SORBS2: variants seen among roughly 807,000 people sequenced by gnomAD.
SORBS2 encodes the protein sorbin and SH3 domain-containing protein 2.
A neutral mutation model predicts 97.7 loss-of-function variants in SORBS2; 46 were observed. The ratio of observed to expected loss-of-function variants is 0.47; its 90% CI spans 0.37 to 0.60. SORBS2 has a LOEUF of 0.60. SORBS2 is among the 20% of genes least tolerant of loss of function. SORBS2 has a pLI of 0.00. For synonymous variants in SORBS2, 476 were observed against 473.4 expected, an observed-to-expected ratio of 1.01 and a Z score of -0.07; for missense variants, 1,316 against 1,282.3, an observed-to-expected ratio of 1.03 and a Z score of -0.40.
At chr4:185,627,508 G>A (rs2096835847) in intron 5 of SORBS2, among the ~76,000 whole-genome samples, 1 of 152,182 alleles carries the variant, frequency 6.6e-6, no homozygotes, top group Admixed American at 6.5e-5. Context: ...GTGAACCACT[G>A]TGCCCGGACA....
chr4:185,690,997 T>G (rs576858220), intron 2 of SORBS2, among the ~76,000 whole-genome samples: 23 of 152,136 alleles, frequency 1.5e-4, no homozygotes, highest in African/African-American at 4.3e-4. Flanking sequence ...CCTCCTGGGT[T>G]CAAGCGATTC....
At chr4:185,625,168 C>T (rs1307366680) in intron 6 of SORBS2, among the ~76,000 whole-genome samples, 4 of 152,146 alleles carry the variant, frequency 2.6e-5, no homozygotes, top group Admixed American at 1.3e-4. Context: ...ATTGCTCTAC[C>T]TTTAACCTTT....
At chr4:185,776,879 A>C (rs1196010505) in intron 1 of SORBS2, among the ~76,000 whole-genome samples, 1 of 149,314 alleles carries the variant, frequency 6.7e-6, no homozygotes. Context: ...CAGCCTGGGC[A>C]ACAGAGTGAG....
At chr4:185,752,337 A>G (rs566376141) in intron 2 of SORBS2, among the ~76,000 whole-genome samples, 11 of 152,220 alleles carry the variant, frequency 7.2e-5, no homozygotes, top group South Asian at 6.2e-4. Flanking sequence ...GTGCAGTGGC[A>G]CGATCTTGGC....
intron 2 of SORBS2, among the ~76,000 whole-genome samples, chr4:185,751,164 C>T (rs1271881919): frequency 5.9e-5 from 1 of 16,882 alleles, no homozygotes; most frequent in Non-Finnish European, 1.4e-4. Flanking sequence ...GCTCTTAGCT[C>T]TAAATACTAA....
exon 5 of SORBS2, chr4:185,630,576 A>G (rs747548360): frequency 6.9e-6 from 11 of 1,601,068 alleles, no homozygotes; most frequent in Non-Finnish European, 9.4e-6. Context: ...GCTTCTGTCT[A>G]TAGAGGACTG....
rs1947455 is a variant in SORBS2, at chr4:185,907,225, G to T, written c.-338+48971C>A. Among the ~76,000 whole-genome samples the T allele has an allele frequency of 4.6e-3, 703 of 151,858 alleles. 7 individuals carry two copies. Among genetic ancestry groups the T allele is most frequent in the African/African-American group, 0.016 (667 of 41,406 alleles). ...CTCACTTGTCTTGTTGGTTGAAGTCGAACCATGGAATAGAGGATGTTCGGC... is the reference window on the plus strand; with the variant it reads ...CTCACTTGTCTTGTTGGTTGAAGTCTAACCATGGAATAGAGGATGTTCGGC... On this transcript the variant is annotated intron_variant, in intron 1 of 20. Coordinates refer to the SORBS2 transcript ENST00000284776.
chr4:185,921,543 G>C (rs2099260923), intron 1 of SORBS2, among the ~76,000 whole-genome samples: 1 of 152,130 alleles, frequency 6.6e-6, no homozygotes, highest in Admixed American at 6.6e-5. Flanking sequence ...AAAAGAAATG[G>C]AAAGTATTTT....
chr4:185,803,365 T>G (rs565118996), intron 1 of SORBS2, among the ~76,000 whole-genome samples: 6 of 152,290 alleles, frequency 3.9e-5, no homozygotes, highest in African/African-American at 1.2e-4. Flanking sequence ...AATTCGATCT[T>G]CAAAGGAAGC....
intron 2 of SORBS2, chr4:185,774,219 T>C (rs935962714): frequency 6.6e-6 from 1 of 152,192 alleles, no homozygotes; most frequent in African/African-American, 2.4e-5. Context: ...TGCACTCTCA[T>C]TTGCTGCTTG....
chr4:185,754,876 C>G, intron 2 of SORBS2, among the ~76,000 whole-genome samples: 1 of 152,190 alleles, frequency 6.6e-6, no homozygotes, highest in Non-Finnish European at 1.5e-5. Flanking sequence ...AAGGGCAATA[C>G]ATCACTTCTA....
chr4:185,626,667 A>T, intron 6 of SORBS2, 165 bp downstream of exon 18: 1 of 688,908 alleles, frequency 1.5e-6, no homozygotes, highest in Non-Finnish European at 2.4e-6. Context: ...CGCCAGCTTG[A>T]GTCAGTCTGG....
chr4:185,726,694 T>C (rs979346176), intron 2 of SORBS2, among the ~76,000 whole-genome samples: 1 of 151,792 alleles, frequency 6.6e-6, no homozygotes. Flanking sequence ...ATTGCTTGCT[T>C]ATTTCCTTGA....
chr4:185,772,058 T>A (rs2098974537), intron 2 of SORBS2: 1 of 152,154 alleles, frequency 6.6e-6, no homozygotes, highest in Admixed American at 6.5e-5. Context: ...ATTTATATGA[T>A]CTACAAAAGA....
chr4:185,672,972 T>C (rs1413297430), intron 4 of SORBS2, among the ~76,000 whole-genome samples: 1 of 152,132 alleles, frequency 6.6e-6, no homozygotes, highest in African/African-American at 2.4e-5. Flanking sequence ...AAACCAAATG[T>C]CCATTGATGG....
chr4:185,785,576 A>G (rs1423957194), intron 1 of SORBS2, among the ~76,000 whole-genome samples: 1 of 152,216 alleles, frequency 6.6e-6, no homozygotes, highest in African/African-American at 2.4e-5. Context: ...ACCCAACTCT[A>G]TTACTGCCAG....
chr4:185,667,797 G>A (rs1465740580), intron 4 of SORBS2, among the ~76,000 whole-genome samples: 1 of 150,650 alleles, frequency 6.6e-6, no homozygotes, highest in South Asian at 2.1e-4. Flanking sequence ...AACTTAAAAT[G>A]TTTTGGTGGG....
chr4:185,790,251 T>C (rs1481586485), intron 1 of SORBS2, among the ~76,000 whole-genome samples: 1 of 152,206 alleles, frequency 6.6e-6, no homozygotes, highest in Non-Finnish European at 1.5e-5. Flanking sequence ...TCAGTGGTTA[T>C]GTTAACTTTG....
At chr4:185,598,547 G>A (rs2096174183) in intron 12 of SORBS2, among the ~76,000 whole-genome samples, 1 of 152,156 alleles carries the variant, frequency 6.6e-6, no homozygotes, top group Non-Finnish European at 1.5e-5. Context: ...GTTATCTCTG[G>A]AGGATTAGCT....
Sources: gnomAD v4.1 joint callset for allele counts (sites outside exome capture counted in the v4.1 genomes callset) on GRCh38, gnomAD v4.1.1 for gene constraint, MANE v1.5 for transcripts, NCBI Gene and HGNC (gene_info 2026-07-23, HGNC 2026-07-21) for gene names.